The following RIMKLB variants were observed in gnomAD, a reference collection of about 807,000 sequenced individuals.
The protein encoded by RIMKLB is ribosomal modification protein rimK like family member B, also known as beta-citrylglutamate synthase B.
In RIMKLB, 7 loss-of-function variants were observed where a neutral mutation model predicts 32.0. That is an observed-to-expected ratio of 0.22 (90% CI 0.12 to 0.41). The LOEUF (loss-of-function observed/expected upper bound fraction) is 0.41, where lower values mean the gene tolerates loss of function less well. RIMKLB is among the 10% of genes least tolerant of loss of function. RIMKLB has a pLI of 1.00. For synonymous variants in RIMKLB, 172 were observed against 185.1 expected (o/e 0.93, Z 0.57); for missense variants, 289 against 498.7 (o/e 0.58, Z 4.00).
At chr12:8,764,312 C>A (rs942004933) in intron 5 of RIMKLB, among the ~76,000 whole-genome samples, 1 of 152,106 alleles carries the variant, frequency 6.6e-6, no homozygotes, top group Non-Finnish European at 1.5e-5. Flanking sequence ...TAATTCCTTC[C>A]TCAAGTAGGG....
At chr12:8,762,973 G>C (rs763021105) in intron 5 of RIMKLB, among the ~76,000 whole-genome samples, 2 of 152,330 alleles carry the variant, frequency 1.3e-5, no homozygotes, top group Non-Finnish European at 2.9e-5. Context: ...TGGATTAAGA[G>C]TTGCACAAGT....
chr12:8,764,792 C>T (rs757568449), intron 5 of RIMKLB, among the ~76,000 whole-genome samples: 19 of 151,928 alleles, frequency 1.3e-4, no homozygotes, highest in Admixed American at 2.0e-4. Flanking sequence ...GACGAGGGGG[C>T]GGCTTATTTC....
At chr12:8,694,303 C>A (rs1362234352), upstream of RIMKLB, among the ~76,000 whole-genome samples, 2 of 151,488 alleles carry the variant, frequency 1.3e-5, no homozygotes, top group African/African-American at 4.9e-5. Flanking sequence ...GTCTTGGACT[C>A]GTGTATTCAA....
At chr12:8,720,104 A>T (rs1355024362) in intron 2 of RIMKLB, among the ~76,000 whole-genome samples, 2 of 152,228 alleles carry the variant, frequency 1.3e-5, no homozygotes, top group African/African-American at 2.4e-5. Context: ...TAGATGATGG[A>T]ACTTTCAGTG....
the RIMKLB span, among the ~76,000 whole-genome samples, chr12:8,672,237 C>G: frequency 5.3e-5 from 8 of 152,164 alleles, no homozygotes; most frequent in Admixed American, 2.0e-4. Flanking sequence ...CCAAACTTTC[C>G]CACATTTTTC....
At chr12:8,720,563 A>T (rs1352955946) in intron 2 of RIMKLB, among the ~76,000 whole-genome samples, 3 of 152,162 alleles carry the variant, frequency 2.0e-5, no homozygotes, top group Non-Finnish European at 4.4e-5. Context: ...TGTGTGCGAC[A>T]CGGAGTTTGG....
At chr12:8,693,571 A>G (rs1283788060), upstream of RIMKLB, among the ~76,000 whole-genome samples, 1 of 151,590 alleles carries the variant, frequency 6.6e-6, no homozygotes, top group Non-Finnish European at 1.5e-5. Flanking sequence ...TAATTTTTAT[A>G]TTTTTAATAG....
chr12:8,713,732 C>T lies in RIMKLB; in HGVS notation c.-56-79C>T, dbSNP rs139621926. 3.3e-4 allele frequency: 284 copies of T among 849,058 alleles called. No homozygotes were observed. In the East Asian group the frequency reaches 4.3e-3, roughly 13 times the overall value. The allele number at this position is 849,058 out of a possible 1,614,324, so 52.6% of individuals were successfully genotyped here. A position where few individuals can be genotyped will look rare whatever the true frequency, so the allele number is the denominator to read the frequency against. On this transcript the variant is annotated intron_variant, in intron 1 of 5. Transcript: ENST00000535829. ...TGTTTATATAATTAGTATATAATCA[C>T]GGCATTTATTTGTATGAAATCCAGA...
intron 5 of RIMKLB, among the ~76,000 whole-genome samples, chr12:8,762,013 A>G (rs764017555): frequency 4.9e-4 from 75 of 152,314 alleles, no homozygotes; most frequent in African/African-American, 1.7e-3. Flanking sequence ...GACAAACTTA[A>G]CAAGGAGGTT....
chr12:8,736,093 C>T (rs750281349), intron 2 of RIMKLB, among the ~76,000 whole-genome samples: 1 of 152,174 alleles, frequency 6.6e-6, no homozygotes, highest in East Asian at 1.9e-4. Flanking sequence ...AATTTTGTTA[C>T]AACTGAAAGA....
At position 8,707,092 on chromosome 12, in the gene RIMKLB, C is replaced by T. The variant is rs138460706; in HGVS notation, c.-56-6719C>T. The stretch of plus-strand genomic sequence containing the variant: ...GTGCTTTTTCCTGTTCTTTCAGCAA[C>T]ACCAATCAACACAGAAGATCCACTG... On this transcript the variant is annotated intron_variant, in intron 1 of 5. Coordinates refer to ENST00000535829, the MANE Select transcript of RIMKLB (RefSeq NM_001297776.2). Among the ~76,000 whole-genome samples the T allele has an allele frequency of 1.6e-3, 242 of 152,286 alleles. 2 individuals are homozygous for T. Among genetic ancestry groups the T allele is most frequent in the African/African-American group, 5.6e-3 (234 of 41,550 alleles).
At chr12:8,746,929 G>A (rs1948148760) in intron 2 of RIMKLB, among the ~76,000 whole-genome samples, 1 of 152,080 alleles carries the variant, frequency 6.6e-6, no homozygotes, top group Non-Finnish European at 1.5e-5. Flanking sequence ...TTTTTGTAGA[G>A]ACGTGGATCT....
At position 8,775,622 on chromosome 12, in the gene RIMKLB, AAC is replaced by A. The variant is rs1950682837; in HGVS notation, c.*1840_*1841del. ...TAAAAGATCAGTATTAACCAGCTAT[AAC>A]AGAGGTTTGATCATGCTTACTTGTA... On this transcript the variant is annotated 3_prime_UTR_variant, in exon 6 of 6. Coordinates refer to ENST00000535829, the MANE Select transcript of RIMKLB (RefSeq NM_001297776.2). 1.0e-6 allele frequency: 1 copy of A among 985,668 alleles called. No individual in the cohort carries two copies. Among genetic ancestry groups the A allele is most frequent in the East Asian group, 1.1e-4 (1 of 8,828 alleles). 61.1% of individuals were successfully genotyped at this position (985,668 alleles called of 1,614,324 possible).
chr12:8,680,623 C>T (rs758770868), upstream of RIMKLB, among the ~76,000 whole-genome samples: 2 of 152,312 alleles, frequency 1.3e-5, no homozygotes, highest in African/African-American at 4.8e-5. Context: ...TTCTTTCTTG[C>T]GCGAGATCCA....
At chr12:8,686,725 G>A (rs1335381373) in intron 1 of RIMKLB, among the ~76,000 whole-genome samples, 1 of 151,564 alleles carries the variant, frequency 6.6e-6, no homozygotes, top group Non-Finnish European at 1.5e-5. Context: ...CTCGTAATCC[G>A]CCCGCCTAGG....
intron 1 of RIMKLB, among the ~76,000 whole-genome samples, chr12:8,710,543 T>G (rs1388839819): frequency 6.6e-6 from 1 of 152,094 alleles, no homozygotes; most frequent in East Asian, 1.9e-4. Context: ...CCTGACCAAG[T>G]GATCCGCCCA....
intron 1 of RIMKLB, among the ~76,000 whole-genome samples, chr12:8,684,180 C>T (rs893593982): frequency 2.7e-5 from 4 of 146,168 alleles, no homozygotes; most frequent in Non-Finnish European, 6.1e-5. Context: ...TAAATTTTCT[C>T]TTTTTTTTTT....
intron 1 of RIMKLB, among the ~76,000 whole-genome samples, chr12:8,689,115 C>G (rs777152384): frequency 2.0e-5 from 3 of 152,200 alleles, no homozygotes; most frequent in Non-Finnish European, 2.9e-5. Flanking sequence ...GGATTACAGG[C>G]GTGAGCCGCT....
intron 2 of RIMKLB, among the ~76,000 whole-genome samples, chr12:8,720,755 G>A (rs770366731): frequency 5.9e-5 from 9 of 152,286 alleles, no homozygotes; most frequent in Non-Finnish European, 1.2e-4. Flanking sequence ...GGCCAGGCTG[G>A]TCTGGAACTC....
Sources: gnomAD v4.1 joint callset for allele counts (sites outside exome capture counted in the v4.1 genomes callset) on GRCh38, gnomAD v4.1.1 for gene constraint, MANE v1.5 for transcripts, NCBI Gene and HGNC (gene_info 2026-07-23, HGNC 2026-07-21) for gene names.